The following EFR3B variants were observed in gnomAD, a reference collection of about 807,000 sequenced individuals.
EFR3B encodes EFR3 homolog B.
EFR3B carries 64 observed loss-of-function variants against 104.7 expected under a neutral mutation model. That is an observed-to-expected ratio of 0.61 (90% CI 0.50 to 0.75). The LOEUF (loss-of-function observed/expected upper bound fraction) is 0.75, where lower values mean the gene tolerates loss of function less well. Among genes scored for constraint, EFR3B ranks in the 30% least tolerant of loss-of-function variants. The pLI is 0.00. For synonymous variants in EFR3B, 385 were observed against 417.9 expected (o/e 0.92, Z 0.96); for missense variants, 750 against 1,078.5 (o/e 0.70, Z 4.27).
At chr2:25,049,900 A>C (rs535804452) in intron 1 of EFR3B, among the ~76,000 whole-genome samples, 15 of 147,234 alleles carry the variant, frequency 1.0e-4, no homozygotes, top group Non-Finnish European at 1.5e-4. Context: ...GGATCACCTG[A>C]GGTCAGGAGT....
At chr2:25,139,843 C>T (rs1670616163) in intron 16 of EFR3B, among the ~76,000 whole-genome samples, 1 of 152,206 alleles carries the variant, frequency 6.6e-6, no homozygotes, top group Admixed American at 6.5e-5. Flanking sequence ...GCATGAACAC[C>T]TCCCTACATG....
rs1440804251 is a variant in EFR3B at position 25,137,630 on chromosome 2, G to A, written c.1722+128G>A. The stretch of plus-strand genomic sequence containing the variant: ...TTTGGAGCCCAGGAATATTGTACTC[G>A]TGGTTGGCCACGCCTCCCTGAAGAC... On this transcript the variant is annotated intron_variant, in intron 15 of 22. Transcript: ENST00000403714. This position sits in a 1 kb window ranked among gnomAD's most constrained non-coding sequence, Gnocchi z 4.7. The A allele has an allele frequency of 4.3e-5, 59 of 1,378,910 alleles. No homozygotes were observed. Among genetic ancestry groups the A allele is most frequent in the East Asian group, 7.6e-5 (3 of 39,638 alleles). The allele number at this position is 1,378,910 out of a possible 1,614,324, so 85.4% of individuals were successfully genotyped here.
chr2:25,063,319 A>G (rs1668248894), intron 1 of EFR3B, among the ~76,000 whole-genome samples: 1 of 152,168 alleles, frequency 6.6e-6, no homozygotes, highest in South Asian at 2.1e-4. Flanking sequence ...CTAAGTACAC[A>G]GAGGCTTTAA....
intron 21 of EFR3B, 125 bp from the exon 22 acceptor site, chr2:25,153,573 AGCGTGTTCACCTCT>A: frequency 1.3e-6 from 1 of 783,222 alleles, no homozygotes; most frequent in Non-Finnish European, 2.1e-6. Context: ...TGAGTGCTGG[AGCGTGTTCACCTCT>A]GCCTGCCTTC....
At chr2:25,055,925 T>C (rs1040497870) in intron 1 of EFR3B, among the ~76,000 whole-genome samples, 12 of 152,250 alleles carry the variant, frequency 7.9e-5, no homozygotes, top group Admixed American at 2.0e-4. Flanking sequence ...TGTGAACCTC[T>C]TGAGGACACT....
intron 1 of EFR3B, among the ~76,000 whole-genome samples, chr2:25,063,400 T>C (rs1397757275): frequency 6.6e-6 from 1 of 152,164 alleles, no homozygotes; most frequent in Admixed American, 6.5e-5. Context: ...ACCTATACTC[T>C]CTGGCTAGGA....
chr2:25,154,147 C>A lies in EFR3B; in HGVS notation c.2349-88C>A. The A allele has an allele frequency of 1.6e-6, 2 of 1,239,362 alleles. No individual in the cohort carries two copies. Among genetic ancestry groups the A allele is most frequent in the Admixed American group, 2.3e-5 (1 of 44,256 alleles). The allele number at this position is 1,239,362 out of a possible 1,614,324, so 76.8% of individuals were successfully genotyped here. A position where few individuals can be genotyped will look rare whatever the true frequency, so the allele number is the denominator to read the frequency against. ...TCTGGTGCCTGTGCAAAAAGAAACC[C>A]AAGTCACCTACTCTGTTTGGTTGCA... On this transcript the variant is annotated intron_variant, in intron 22 of 22. Transcript: ENST00000403714. The surrounding 1 kb of genome is among the most constrained non-coding windows in gnomAD (Gnocchi z 4.1).
At chr2:25,138,998 G>A (rs150031819) in intron 15 of EFR3B, 61 bp from the exon 16 acceptor site, 248 of 1,546,082 alleles carry the variant, frequency 1.6e-4, no homozygotes, top group African/African-American at 9.0e-4. Flanking sequence ...CGGGTGGAGC[G>A]TTGGCACCCA....
chr2:25,076,410 G>A (rs1412288065), intron 1 of EFR3B, among the ~76,000 whole-genome samples: 2 of 152,068 alleles, frequency 1.3e-5, no homozygotes, highest in Non-Finnish European at 2.9e-5. Context: ...CTGTGTGCTA[G>A]GAATAGTTGT....
At position 25,158,321 on chromosome 2, in the gene EFR3B, A is replaced by G. The variant is rs1296555522; in HGVS notation, c.*3981A>G. On this transcript the variant is annotated 3_prime_UTR_variant, in exon 23 of 23. Coordinates refer to ENST00000403714, the MANE Select transcript of EFR3B (RefSeq NM_014971.2). Reference sequence around the variant, plus strand: ...GCTGTTAGGTAGACACTAGGTTTAAAGGTAGACAGGGAGATGGCATCATCA... The same window carrying G: ...GCTGTTAGGTAGACACTAGGTTTAAGGGTAGACAGGGAGATGGCATCATCA... The G allele has an allele frequency of 6.6e-6, 1 of 152,264 alleles. No homozygotes were observed. Among genetic ancestry groups the G allele is most frequent in the Non-Finnish European group, 1.5e-5 (1 of 68,068 alleles). The allele number at this position is 152,264 out of a possible 1,614,324, so 9.4% of individuals were successfully genotyped here.
chr2:25,052,465 AATTG>A (rs1022888246), intron 1 of EFR3B, among the ~76,000 whole-genome samples: 1 of 150,046 alleles, frequency 6.7e-6, no homozygotes, highest in African/African-American at 2.5e-5. Flanking sequence ...GGCTTCCATT[AATTG>A]GGCACCACTA....
intron 4 of EFR3B, among the ~76,000 whole-genome samples, chr2:25,105,033 G>A (rs552548064): frequency 6.6e-6 from 1 of 152,134 alleles, no homozygotes; most frequent in Non-Finnish European, 1.5e-5. Flanking sequence ...TAAGCTCCAG[G>A]TCTTCATGCA....
At chr2:25,091,498 A>G (rs1244565708) in intron 2 of EFR3B, 97 bp downstream of exon 2, 5 of 1,123,186 alleles carry the variant, frequency 4.5e-6, no homozygotes, top group Non-Finnish European at 5.0e-6. Flanking sequence ...CGGGTGGGGA[A>G]GGCAGGGCCT....
At chr2:25,128,680 C>T (rs534949927) in intron 6 of EFR3B, among the ~76,000 whole-genome samples, 120 of 152,124 alleles carry the variant, frequency 7.9e-4, no homozygotes, top group African/African-American at 2.8e-3. Flanking sequence ...TTTTGTGGGC[C>T]GGGCGCGGTG....
chr2:25,111,665 A>G (rs1038780340), intron 4 of EFR3B, among the ~76,000 whole-genome samples: 9 of 152,244 alleles, frequency 5.9e-5, no homozygotes, highest in East Asian at 1.9e-4. Flanking sequence ...TGGGCCTGAT[A>G]TAATCTCAAG....
Position 25,096,417 on chromosome 2 carries a change from A to G in EFR3B, c.212+3287A>G, listed in dbSNP as rs551550321. 5.3e-5 allele frequency among the ~76,000 whole-genome samples: 8 copies of G among 152,306 alleles called. No individual in the cohort carries two copies. In the South Asian group the frequency reaches 1.7e-3, roughly 32 times the overall value. ...TCAGATGATGGCAGTAGCCTTGGAC[A>G]TAGTCTCCCTGCTCCCTGTCTTTCC... On this transcript the variant is annotated intron_variant, in intron 3 of 22. Coordinates refer to ENST00000403714, the MANE Select transcript of EFR3B (RefSeq NM_014971.2).
intron 3 of EFR3B, among the ~76,000 whole-genome samples, chr2:25,100,793 C>T (rs1669411366): frequency 1.3e-5 from 2 of 152,140 alleles, no homozygotes; most frequent in South Asian, 4.1e-4. Flanking sequence ...CGCCCGGCCT[C>T]CCCTGTATTT....
At chr2:25,096,250 G>A (rs150877032) in intron 3 of EFR3B, among the ~76,000 whole-genome samples, 2 of 152,196 alleles carry the variant, frequency 1.3e-5, no homozygotes, top group African/African-American at 4.8e-5. Context: ...TTCTGACCTC[G>A]TGATCCACCT....
intron 1 of EFR3B, among the ~76,000 whole-genome samples, chr2:25,075,774 T>G (rs1162932412): frequency 4.6e-5 from 7 of 152,186 alleles, no homozygotes; most frequent in Non-Finnish European, 1.0e-4. Context: ...CTCATAGGGT[T>G]TTTGTAAAGA....
Sources: gnomAD v4.1 joint callset for allele counts (sites outside exome capture counted in the v4.1 genomes callset) on GRCh38, gnomAD v4.1.1 for gene constraint, Gnocchi (gnomAD v3.1) non-coding constraint, MANE v1.5 for transcripts, NCBI Gene and HGNC (gene_info 2026-07-23, HGNC 2026-07-21) for gene names.